COLGALT2: variants seen among roughly 807,000 people sequenced by gnomAD.
COLGALT2 encodes the protein collagen beta(1-O)galactosyltransferase 2.
A neutral mutation model predicts 73.4 loss-of-function variants in COLGALT2; 49 were observed. That is an observed-to-expected ratio of 0.67 (90% CI 0.53 to 0.85). The LOEUF (loss-of-function observed/expected upper bound fraction) is 0.85, where lower values mean the gene tolerates loss of function less well. Among genes scored for constraint, COLGALT2 ranks in the 40% least tolerant of loss-of-function variants. The probability of loss-of-function intolerance (pLI) is 0.00; values close to 1 mark genes in which losing one functional copy is unlikely to be tolerated. For missense variants in COLGALT2, 722 were observed against 790.2 expected (o/e 0.91, Z 1.03); for synonymous variants, 295 against 307.6 (o/e 0.96, Z 0.43).
At chr1:184,031,372 C>G (rs1269286473) in intron 1 of COLGALT2, among the ~76,000 whole-genome samples, 2 of 152,170 alleles carry the variant, frequency 1.3e-5, no homozygotes, top group African/African-American at 2.4e-5. Flanking sequence ...TAATCTGTCC[C>G]TATGAAATAT....
At chr1:183,994,141 C>G (rs1572663553) in intron 1 of COLGALT2, among the ~76,000 whole-genome samples, 1 of 145,578 alleles carries the variant, frequency 6.9e-6, no homozygotes, top group African/African-American at 2.6e-5. Context: ...CGGGTTCACA[C>G]CATTCTCCTG....
chr1:183,936,467 A>G lies in COLGALT2; in HGVS notation c.*2294T>C. 2 of 991,630 alleles carry G rather than the reference A, an allele frequency of 2.0e-6. No homozygotes were observed. The highest frequency in any genetic ancestry group is 1.2e-6 in the Non-Finnish European group (1 of 833,922). The allele number at this position is 991,630 out of a possible 1,614,324, so 61.4% of individuals were successfully genotyped here. ...GTCTAAAATGCTAGAATTTAAGTCCAAAGTCTTTTAAGAATGAGAGTTCTT... is the reference window on the plus strand; with the variant it reads ...GTCTAAAATGCTAGAATTTAAGTCCGAAGTCTTTTAAGAATGAGAGTTCTT... On this transcript the variant is annotated 3_prime_UTR_variant, in exon 12 of 12. Transcript: ENST00000361927.
Position 183,938,843 on chromosome 1 carries a change from C to T in COLGALT2, c.1799G>A (p.Arg600His), listed in dbSNP as rs780516386. The T allele has an allele frequency of 9.3e-6, 15 of 1,614,050 alleles. No homozygotes were observed. Among genetic ancestry groups the T allele is most frequent in the African/African-American group, 5.3e-5 (4 of 74,920 alleles). The change falls in exon 12 of 12, where the codon CGC (arginine) becomes CAC (histidine). Residue 600 changes from arginine to histidine, a missense_variant. By Grantham distance (29) the Arg-to-His change is conservative. Coordinates refer to ENST00000361927, the MANE Select transcript of COLGALT2 (RefSeq NM_015101.4). The part of the protein sequence containing the change: ...THAWKSRKQS[R>H]IYSNAKNTEA... ...TGTGTTCTTGGCATTGCTGTAGATG[C>T]GGCTTTGCTTCCGGGACTTCCAGGC...
chr1:183,936,789 G>A lies in COLGALT2; in HGVS notation c.*1972C>T, dbSNP rs1020587109. On this transcript the variant is annotated 3_prime_UTR_variant, in exon 12 of 12. Coordinates refer to ENST00000361927, the MANE Select transcript of COLGALT2 (RefSeq NM_015101.4). ...GTCACACTGACAGCTAAGTCTAAGC[G>A]GCACAATTTAGAGTTGGGTGAGTTC... 4.7e-5 allele frequency: 58 copies of A among 1,231,432 alleles called. No individual in the cohort carries two copies. The highest frequency in any genetic ancestry group is 3.9e-4 in the African/African-American group (25 of 64,408). 76.3% of individuals were successfully genotyped at this position (1,231,432 alleles called of 1,614,324 possible). A position where few individuals can be genotyped will look rare whatever the true frequency, so the allele number is the denominator to read the frequency against.
Position 183,936,928 on chromosome 1 carries a change from G to C in COLGALT2, c.*1833C>G. The stretch of plus-strand genomic sequence containing the variant: ...AAGGCAAGCTGCCTCTTGTCCTAAA[G>C]TGGGGACCCGCCCCTCACCTGGGGA... On this transcript the variant is annotated 3_prime_UTR_variant, in exon 12 of 12. Transcript: ENST00000361927. The C allele has an allele frequency of 8.1e-7, 1 of 1,231,836 alleles. No homozygotes were observed. Among genetic ancestry groups the C allele is most frequent in the Non-Finnish European group, 1.0e-6 (1 of 988,022 alleles). 76.3% of individuals were successfully genotyped at this position (1,231,836 alleles called of 1,614,324 possible). A position where few individuals can be genotyped will look rare whatever the true frequency, so the allele number is the denominator to read the frequency against.
chr1:184,005,232 G>A, intron 1 of COLGALT2, among the ~76,000 whole-genome samples: 1 of 152,204 alleles, frequency 6.6e-6, no homozygotes, highest in East Asian at 1.9e-4. Context: ...GCCTATGGAT[G>A]CAGACCTGTT....
At chr1:184,003,147 AAATACAACTGCAAC>A (rs1335934913) in intron 1 of COLGALT2, among the ~76,000 whole-genome samples, 3 of 152,208 alleles carry the variant, frequency 2.0e-5, no homozygotes, top group Non-Finnish European at 4.4e-5. Context: ...TGAACTTTCC[AAATACAACTGCAAC>A]AATATCTCTC....
At position 183,954,754 on chromosome 1, in the gene COLGALT2, T is replaced by A. The variant is rs1182966790; in HGVS notation, c.1029+8A>T. On this transcript the variant is annotated splice_region_variant and intron_variant, in intron 7 of 11. Transcript: ENST00000361927. ...GCATGTGCACACACATATAGACACC[T>A]TTCCTACCTCATCAAATCCCATCTT... 6.2e-7 allele frequency: 1 copy of A among 1,607,146 alleles called. No individual in the cohort carries two copies. The highest frequency in any genetic ancestry group is 2.2e-5 in the East Asian group (1 of 44,836).
chr1:183,946,561 TAA>T (rs1427575733), intron 8 of COLGALT2: 1 of 152,226 alleles, frequency 6.6e-6, no homozygotes, highest in Non-Finnish European at 1.5e-5. Flanking sequence ...GTGGTATCTA[TAA>T]GAGGCAGCCT....
At chr1:183,967,122 CT>C (rs1670897637) in intron 5 of COLGALT2, among the ~76,000 whole-genome samples, 1 of 152,228 alleles carries the variant, frequency 6.6e-6, no homozygotes, top group Admixed American at 6.5e-5. Flanking sequence ...TCATGTTTCT[CT>C]TGAAAATACT....
intron 2 of COLGALT2, among the ~76,000 whole-genome samples, chr1:183,976,899 G>C (rs936232298): frequency 2.0e-5 from 3 of 152,144 alleles, no homozygotes; most frequent in Admixed American, 1.3e-4. Context: ...TTTAGGATAA[G>C]AATTAGTTAT....
At chr1:184,002,911 T>C (rs1671970147) in intron 1 of COLGALT2, among the ~76,000 whole-genome samples, 1 of 151,952 alleles carries the variant, frequency 6.6e-6, no homozygotes, top group East Asian at 1.9e-4. Flanking sequence ...TTAAAATATA[T>C]AATAAAAATA....
intron 1 of COLGALT2, among the ~76,000 whole-genome samples, chr1:183,982,250 G>A (rs1264991265): frequency 6.6e-6 from 1 of 152,142 alleles, no homozygotes; most frequent in East Asian, 1.9e-4. Flanking sequence ...GATGGGGTAG[G>A]AGGAGCCCTT....
downstream of COLGALT2, among the ~76,000 whole-genome samples, chr1:183,933,640 G>A (rs1447698560): frequency 3.3e-5 from 5 of 150,702 alleles, no homozygotes; most frequent in African/African-American, 1.2e-4. Context: ...GAGAGAGAGA[G>A]CTGCCCACTC....
rs1252131876 is a variant in COLGALT2 at position 183,936,969 on chromosome 1, ACTAC to A, written c.*1788_*1791del. On this transcript the variant is annotated 3_prime_UTR_variant, in exon 12 of 12. Transcript: ENST00000361927. ...CACCTGGGGAGATGAGGCTGCCTTGACTACCTATTTGGTGATGAGACAGCTTGGT... is the reference window on the plus strand; with the variant it reads ...CACCTGGGGAGATGAGGCTGCCTTGACTATTTGGTGATGAGACAGCTTGGT... The A allele has an allele frequency of 1.6e-6, 2 of 1,231,616 alleles. No homozygotes were observed. The highest frequency in any genetic ancestry group is 3.1e-5 in the African/African-American group (2 of 64,402). The allele number at this position is 1,231,616 out of a possible 1,614,324, so 76.3% of individuals were successfully genotyped here. A position where few individuals can be genotyped will look rare whatever the true frequency, so the allele number is the denominator to read the frequency against.
chr1:184,024,394 C>T (rs1054835334), intron 1 of COLGALT2, among the ~76,000 whole-genome samples: 1 of 151,106 alleles, frequency 6.6e-6, no homozygotes, highest in Admixed American at 6.6e-5. Context: ...ACTCTGTCGC[C>T]CAGGCTGGAG....
At chr1:183,973,132 A>C (rs534883824) in intron 4 of COLGALT2, among the ~76,000 whole-genome samples, 1 of 152,372 alleles carries the variant, frequency 6.6e-6, no homozygotes, top group African/African-American at 2.4e-5. Flanking sequence ...AATGTTTTTC[A>C]AACCGAGATA....
intron 1 of COLGALT2, among the ~76,000 whole-genome samples, chr1:184,009,505 C>T (rs1222066517): frequency 6.6e-6 from 1 of 152,148 alleles, no homozygotes; most frequent in Admixed American, 6.5e-5. Flanking sequence ...ATTATGTCTA[C>T]TTATTTTATC....
chr1:184,027,490 T>C (rs1277897442), intron 1 of COLGALT2, among the ~76,000 whole-genome samples: 1 of 152,210 alleles, frequency 6.6e-6, no homozygotes, highest in Non-Finnish European at 1.5e-5. Context: ...GCAACTGGCC[T>C]CTGAACCTGT....
Sources: gnomAD v4.1 joint callset for allele counts (sites outside exome capture counted in the v4.1 genomes callset) on GRCh38, gnomAD v4.1.1 for gene constraint, MANE v1.5 for transcripts, NCBI Gene and HGNC (gene_info 2026-07-23, HGNC 2026-07-21) for gene names.